AGBL4: variants seen among roughly 807,000 people sequenced by gnomAD.
AGBL4 encodes the protein AGBL carboxypeptidase 4.
Under a neutral mutation model 66.4 loss-of-function variants are expected in AGBL4, and 58 were observed. That is an observed-to-expected ratio of 0.87 (90% confidence interval 0.71 to 1.09). AGBL4 has a LOEUF of 1.09. Among genes scored for constraint, AGBL4 ranks in the 50% least tolerant of loss-of-function variants. AGBL4 has a pLI of 0.00. For missense variants in AGBL4, 579 were observed against 631.0 expected (o/e 0.92, Z 0.88); for synonymous variants, 234 against 222.9 (o/e 1.05, Z -0.44).
intron 3 of AGBL4, among the ~76,000 whole-genome samples, chr1:49,335,335 C>G (rs1159807936): frequency 6.6e-6 from 1 of 152,082 alleles, no homozygotes; most frequent in African/African-American, 2.4e-5. Flanking sequence ...TCCAAGCTAC[C>G]ATTTCTCATC....
chr1:49,804,202 T>C (rs1446767897), intron 2 of AGBL4, among the ~76,000 whole-genome samples: 1 of 152,198 alleles, frequency 6.6e-6, no homozygotes, highest in Non-Finnish European at 1.5e-5. Context: ...TGTGTTAGTG[T>C]AAGCCAGCCG....
At position 49,126,161 on chromosome 1, in the gene AGBL4, A is replaced by G. The variant is rs538994408; in HGVS notation, c.378-80361T>C. On this transcript the variant is annotated intron_variant, in intron 4 of 13. Transcript: ENST00000371839. ...TGCTGCTAGGATAGGGCTTGGTTAT[A>G]CGATGAAGAACCTAACAAGATTATC... is the stretch of plus-strand genomic sequence containing the variant. Among the ~76,000 whole-genome samples, 4 of 152,256 alleles carry G rather than the reference A, an allele frequency of 2.6e-5. No homozygotes were observed. In the South Asian group the frequency reaches 8.3e-4, roughly 32 times the overall value.
intron 5 of AGBL4, among the ~76,000 whole-genome samples, chr1:48,880,026 T>C (rs1649625863): frequency 6.6e-6 from 1 of 152,186 alleles, no homozygotes; most frequent in African/African-American, 2.4e-5. Context: ...ATGAGTAAGT[T>C]CTTTGGCGGT....
intron 3 of AGBL4, among the ~76,000 whole-genome samples, chr1:49,283,148 T>C (rs2148408545): frequency 6.6e-6 from 1 of 152,246 alleles, no homozygotes; most frequent in South Asian, 2.1e-4. Flanking sequence ...AGAGCAGTGG[T>C]TCTCCCAGCA....
intron 11 of AGBL4, 72 bp downstream of exon 11, chr1:48,586,932 C>T (rs1210129933): frequency 1.3e-6 from 2 of 1,592,746 alleles, no homozygotes; most frequent in Middle Eastern, 3.3e-4. Flanking sequence ...GGGCCTAATT[C>T]CTGACCTGTC....
At chr1:48,776,659 G>A in intron 6 of AGBL4, 1 of 1,493,782 alleles carries the variant, frequency 6.7e-7, no homozygotes, top group East Asian at 2.9e-5. Flanking sequence ...CCAGTCGCGG[G>A]GGGCGCGCGG....
intron 3 of AGBL4, among the ~76,000 whole-genome samples, chr1:49,319,157 T>C (rs1168715346): frequency 1.3e-5 from 2 of 152,210 alleles, no homozygotes; most frequent in Middle Eastern, 3.2e-3. Flanking sequence ...AATCCAATAA[T>C]ACCAGCATTT....
intron 4 of AGBL4, among the ~76,000 whole-genome samples, chr1:49,217,442 T>C (rs1649177857): frequency 6.6e-6 from 1 of 152,162 alleles, no homozygotes; most frequent in African/African-American, 2.4e-5. Flanking sequence ...TCTTTCACAC[T>C]TCAAGATTCA....
At chr1:49,881,191 A>G (rs1647262732) in intron 1 of AGBL4, among the ~76,000 whole-genome samples, 1 of 152,130 alleles carries the variant, frequency 6.6e-6, no homozygotes, top group African/African-American at 2.4e-5. Context: ...TTCCAATTTC[A>G]TCTATGTCCC....
rs1650277555 is a variant in AGBL4, at chr1:49,739,921, A to T, written c.158-42484T>A. Among the ~76,000 whole-genome samples the T allele has an allele frequency of 2.0e-5, 3 of 152,300 alleles. No individual in the cohort carries two copies. In the South Asian group the frequency reaches 6.2e-4, roughly 32 times the overall value. On this transcript the variant is annotated intron_variant, in intron 2 of 13. Coordinates refer to ENST00000371839, the MANE Select transcript of AGBL4 (RefSeq NM_032785.4). ...AAGGAAGCACTAAACATGGAAAGGAACAACCAGTACCGGCCACCGCAAAAA... is the reference window on the plus strand; with the variant it reads ...AAGGAAGCACTAAACATGGAAAGGATCAACCAGTACCGGCCACCGCAAAAA...
intron 3 of AGBL4, among the ~76,000 whole-genome samples, chr1:49,452,253 A>T (rs1267597229): frequency 6.6e-6 from 1 of 151,910 alleles, no homozygotes; most frequent in Non-Finnish European, 1.5e-5. Context: ...TACTATACTT[A>T]TCTGGACTAA....
chr1:49,038,740 A>C (rs983993503), intron 5 of AGBL4, among the ~76,000 whole-genome samples: 8 of 152,082 alleles, frequency 5.3e-5, no homozygotes, highest in African/African-American at 1.9e-4. Context: ...ACTCGCATTC[A>C]TTGCTAACTG....
chr1:48,722,782 C>A (rs1472935474), intron 6 of AGBL4, among the ~76,000 whole-genome samples: 2 of 152,184 alleles, frequency 1.3e-5, no homozygotes, highest in African/African-American at 2.4e-5. Flanking sequence ...GAGGTGACAT[C>A]TTGCTGACCA....
intron 3 of AGBL4, among the ~76,000 whole-genome samples, chr1:49,649,133 A>G (rs1341933744): frequency 1.3e-5 from 2 of 152,180 alleles, no homozygotes; most frequent in Admixed American, 1.3e-4. Flanking sequence ...GATTACATTG[A>G]GTGCCAAGCA....
intron 3 of AGBL4, among the ~76,000 whole-genome samples, chr1:49,614,629 T>C (rs1645217500): frequency 6.6e-6 from 1 of 152,174 alleles, no homozygotes; most frequent in African/African-American, 2.4e-5. Context: ...ATAGTATTTT[T>C]CCAAAAGCAG....
intron 4 of AGBL4, among the ~76,000 whole-genome samples, chr1:49,129,583 G>A (rs967188980): frequency 2.0e-5 from 3 of 151,548 alleles, no homozygotes; most frequent in South Asian, 2.1e-4. Context: ...TTGTCCTTGC[G>A]ATAGTTTACT....
chr1:49,542,916 A>C (rs1055663570), intron 3 of AGBL4, among the ~76,000 whole-genome samples: 10 of 150,248 alleles, frequency 6.7e-5, no homozygotes, highest in Non-Finnish European at 1.3e-4. Flanking sequence ...AAAAAAAAAA[A>C]AAAAAAAAAC....
chr1:49,682,553 A>G (rs956405371), intron 3 of AGBL4, among the ~76,000 whole-genome samples: 5 of 152,214 alleles, frequency 3.3e-5, no homozygotes, highest in African/African-American at 9.6e-5. Flanking sequence ...TTGCCCACTC[A>G]TCACAGATTT....
chr1:48,903,864 C>CT (rs1652322967), intron 5 of AGBL4, among the ~76,000 whole-genome samples: 1 of 152,158 alleles, frequency 6.6e-6, no homozygotes, highest in Admixed American at 6.5e-5. Flanking sequence ...GTTTAAGGTG[C>CT]TTTTTCCTTT....
Sources: gnomAD v4.1 joint callset for allele counts (sites outside exome capture counted in the v4.1 genomes callset) on GRCh38, gnomAD v4.1.1 for gene constraint, MANE v1.5 for transcripts, NCBI Gene and HGNC (gene_info 2026-07-23, HGNC 2026-07-21) for gene names.